The following ZNF148 variants were observed in gnomAD, a reference collection of about 807,000 sequenced individuals.
ZNF148 encodes the protein Beta-Enolase Repressor Factor-1.
In ZNF148, 7 loss-of-function variants were observed where a neutral mutation model predicts 67.7. The ratio of observed to expected loss-of-function variants is 0.10; its 90% CI spans 0.06 to 0.19. ZNF148 has a LOEUF of 0.19. Ranked by LOEUF, ZNF148 falls within the 10% of genes least tolerant of loss-of-function variation. The pLI is 1.00. For missense variants in ZNF148, 583 were observed against 947.1 expected (o/e 0.62, Z 5.05); for synonymous variants, 333 against 330.7 (o/e 1.01, Z -0.08).
At chr3:125,316,955 G>C (rs1000509810) in intron 3 of ZNF148, among the ~76,000 whole-genome samples, 1 of 152,242 alleles carries the variant, frequency 6.6e-6, no homozygotes, top group East Asian at 1.9e-4. Context: ...TGGAAAAAAG[G>C]CATAAAGTAC....
chr3:125,333,145 C>T (rs1941356621), intron 1 of ZNF148, among the ~76,000 whole-genome samples: 1 of 152,154 alleles, frequency 6.6e-6, no homozygotes, highest in South Asian at 2.1e-4. Flanking sequence ...TTTTTGAAAT[C>T]TTAACATTCC....
chr3:125,248,205 A>G (rs545695638), intron 7 of ZNF148, among the ~76,000 whole-genome samples: 81 of 152,362 alleles, frequency 5.3e-4, no homozygotes, highest in Non-Finnish European at 1.0e-3. Context: ...AACACAAATG[A>G]GTTAGAATCC....
At chr3:125,268,251 A>AAC (rs1553811412) in intron 7 of ZNF148, among the ~76,000 whole-genome samples, 2 of 150,718 alleles carry the variant, frequency 1.3e-5, no homozygotes, top group Non-Finnish European at 3.0e-5. Flanking sequence ...AAAAAAAAAA[A>AAC]CAGCCCCAAA....
chr3:125,305,743 G>A (rs1939839602), intron 4 of ZNF148, among the ~76,000 whole-genome samples: 1 of 150,918 alleles, frequency 6.6e-6, no homozygotes, highest in African/African-American at 2.4e-5. Flanking sequence ...AGCTCAGGAG[G>A]TGAAGGCTAC....
intron 4 of ZNF148, among the ~76,000 whole-genome samples, chr3:125,306,355 A>C (rs1196216916): frequency 6.6e-6 from 1 of 152,158 alleles, no homozygotes; most frequent in Non-Finnish European, 1.5e-5. Context: ...CCGAAACTTC[A>C]CTATTTGAAC....
intron 1 of ZNF148, among the ~76,000 whole-genome samples, chr3:125,372,000 C>T (rs565774191): frequency 1.4e-5 from 2 of 147,196 alleles, no homozygotes; most frequent in South Asian, 2.2e-4. Context: ...GGAGGCAGAG[C>T]TTGCAGTGAG....
intron 1 of ZNF148, among the ~76,000 whole-genome samples, chr3:125,364,818 C>T (rs1462587137): frequency 6.6e-6 from 1 of 152,174 alleles, no homozygotes; most frequent in African/African-American, 2.4e-5. Context: ...AATACATTTT[C>T]AAAATCCAAG....
rs6791415 is a variant in ZNF148 at position 125,257,316 on chromosome 3, C to G, written c.667+20410G>C. ...CCTGTAATCCCAGCACTTTGGGAGG[C>G]CAAGGTGGGCAGATCACCTGAGGTC... is the stretch of plus-strand genomic sequence containing the variant. On this transcript the variant is annotated intron_variant, in intron 7 of 8. Transcript: ENST00000360647. 4.3e-3 allele frequency among the ~76,000 whole-genome samples: 657 copies of G among 152,100 alleles called. 4 individuals carry two copies. The highest frequency in any genetic ancestry group is 0.015 in the African/African-American group (626 of 41,504).
At chr3:125,325,366 T>C (rs753402633) in intron 2 of ZNF148, among the ~76,000 whole-genome samples, 5 of 151,764 alleles carry the variant, frequency 3.3e-5, no homozygotes, top group African/African-American at 4.8e-5. Context: ...CAAAGACGTA[T>C]GGAACAACAT....
chr3:125,259,098 G>A (rs1937222861), intron 7 of ZNF148, among the ~76,000 whole-genome samples: 1 of 151,962 alleles, frequency 6.6e-6, no homozygotes, highest in Non-Finnish European at 1.5e-5. Flanking sequence ...TCATCAATTT[G>A]AAAAACAATC....
intron 1 of ZNF148, among the ~76,000 whole-genome samples, chr3:125,350,514 C>T (rs1310459525): frequency 1.6e-4 from 25 of 152,158 alleles, no homozygotes; most frequent in Non-Finnish European, 1.5e-5. Flanking sequence ...GCAGTAGTCC[C>T]CAACCTTTTT....
At chr3:125,359,315 T>C (rs968243675) in intron 1 of ZNF148, among the ~76,000 whole-genome samples, 3 of 152,238 alleles carry the variant, frequency 2.0e-5, no homozygotes. Flanking sequence ...GAAGCAAAGC[T>C]ACACTAGGAT....
At chr3:125,267,167 A>T (rs1210255367) in intron 7 of ZNF148, among the ~76,000 whole-genome samples, 2 of 151,888 alleles carry the variant, frequency 1.3e-5, no homozygotes, top group Non-Finnish European at 2.9e-5. Flanking sequence ...TACTGAAACC[A>T]TTCCAAAAAA....
At chr3:125,310,245 A>G (rs1940126960) in intron 4 of ZNF148, among the ~76,000 whole-genome samples, 1 of 151,932 alleles carries the variant, frequency 6.6e-6, no homozygotes, top group African/African-American at 2.4e-5. Flanking sequence ...ATGCCCGGCT[A>G]ATTTTTGTAT....
chr3:125,361,196 A>C (rs972840096), intron 1 of ZNF148, among the ~76,000 whole-genome samples: 9 of 151,966 alleles, frequency 5.9e-5, no homozygotes, highest in African/African-American at 1.9e-4. Flanking sequence ...TGCTTCTCTC[A>C]TGACTAGCTA....
intron 3 of ZNF148, 145 bp downstream of exon 3, chr3:125,323,164 A>T (rs1940858781): frequency 2.6e-6 from 1 of 379,788 alleles, no homozygotes; most frequent in Admixed American, 4.3e-5. Flanking sequence ...TCAGGAAAAA[A>T]ACTAGTTTCT....
At position 125,233,250 on chromosome 3, in the gene ZNF148, A is replaced by G. The variant is rs760561409; in HGVS notation, c.1476T>C (p.Gly492=). The G allele has an allele frequency of 6.2e-7, 1 of 1,613,880 alleles. No individual in the cohort carries two copies. The highest frequency in any genetic ancestry group is 1.1e-5 in the South Asian group (1 of 91,066). Reference sequence around the variant, plus strand: ...TTACAGAAGGCTGAGAAGCTATGGTACCCACATTCAGCGCATATTCCCTGC... The same window carrying G: ...TTACAGAAGGCTGAGAAGCTATGGTGCCCACATTCAGCGCATATTCCCTGC... ...NNSREYALNV[G]TIASQPSVTQ... Residue 492 remains glycine (G), a synonymous_variant, in exon 9 of 9, where the codon GGT becomes GGC. Transcript: ENST00000360647. This position sits in a 1 kb window ranked among gnomAD's most constrained non-coding sequence, Gnocchi z 5.1.
intron 4 of ZNF148, 114 bp from the exon 5 acceptor site, chr3:125,288,342 T>C: frequency 9.1e-7 from 1 of 1,096,924 alleles, no homozygotes; most frequent in South Asian, 1.6e-5. Flanking sequence ...TCCAGAATGA[T>C]GATCTATGTG....
chr3:125,272,044 A>G (rs6781706), intron 7 of ZNF148, among the ~76,000 whole-genome samples: 118,174 of 152,146 alleles, frequency 0.78, 46,499 homozygotes, highest in African/African-American at 0.87. Flanking sequence ...CTTCCATCAT[A>G]CCTTTGCTTT....
Sources: gnomAD v4.1 joint callset for allele counts (sites outside exome capture counted in the v4.1 genomes callset) on GRCh38, gnomAD v4.1.1 for gene constraint, Gnocchi (gnomAD v3.1) non-coding constraint, MANE v1.5 for transcripts, NCBI Gene and HGNC (gene_info 2026-07-23, HGNC 2026-07-21) for gene names.